The following NTNG2 variants were observed in gnomAD, a reference collection of about 807,000 sequenced individuals.
NTNG2 encodes netrin-G2.
NTNG2 carries 15 observed loss-of-function variants against 47.6 expected under a neutral mutation model. The ratio of observed to expected loss-of-function variants is 0.32; its 90% CI spans 0.21 to 0.49. The LOEUF (loss-of-function observed/expected upper bound fraction) is 0.49, where lower values mean the gene tolerates loss of function less well. Among genes scored for constraint, NTNG2 ranks in the 20% least tolerant of loss-of-function variants. NTNG2 has a pLI of 0.99. For missense variants in NTNG2, 578 were observed against 764.6 expected, an observed-to-expected ratio of 0.76 and a Z score of 2.88; for synonymous variants, 307 against 324.6, an observed-to-expected ratio of 0.95 and a Z score of 0.58.
chr9:132,181,243 C>G (rs1836911732), intron 2 of NTNG2, among the ~76,000 whole-genome samples: 1 of 151,810 alleles, frequency 6.6e-6, no homozygotes, highest in Non-Finnish European at 1.5e-5. Flanking sequence ...ACCACCATGC[C>G]TGGCTAATTT....
intron 2 of NTNG2, among the ~76,000 whole-genome samples, chr9:132,175,833 C>T (rs1466658696): frequency 6.6e-6 from 1 of 151,958 alleles, no homozygotes; most frequent in African/African-American, 2.4e-5. Flanking sequence ...GCTAGATTAA[C>T]CAGTTCATTC....
intron 3 of NTNG2, among the ~76,000 whole-genome samples, chr9:132,209,432 G>T (rs958963389): frequency 6.6e-6 from 1 of 152,242 alleles, no homozygotes; most frequent in Non-Finnish European, 1.5e-5. Context: ...CCGTGGGGGC[G>T]TGCGAGACTT....
In NTNG2 at chr9:132,163,156, T is replaced by C. The variant is rs1835210074; in HGVS notation, c.-484+917T>C. Reference sequence around the variant, plus strand: ...CCTTTATTACGGGCTTAATTATTAATTGCTGCCGTGGCTTGCACGCAACTT... The same window carrying C: ...CCTTTATTACGGGCTTAATTATTAACTGCTGCCGTGGCTTGCACGCAACTT... On this transcript the variant is annotated intron_variant, in intron 1 of 7. Coordinates refer to ENST00000393229, the MANE Select transcript of NTNG2 (RefSeq NM_032536.4). The surrounding 1 kb of genome is among the most constrained non-coding windows in gnomAD (Gnocchi z 7.2). Among the ~76,000 whole-genome samples the C allele has an allele frequency of 6.6e-6, 1 of 152,102 alleles. No homozygotes were observed. Among genetic ancestry groups the C allele is most frequent in the African/African-American group, 2.4e-5 (1 of 41,426 alleles).
At chr9:132,172,170 T>C (rs1316915621) in intron 2 of NTNG2, among the ~76,000 whole-genome samples, 4 of 152,178 alleles carry the variant, frequency 2.6e-5, no homozygotes, top group Non-Finnish European at 5.9e-5. Context: ...CCCTCCTTCC[T>C]TTCTTTTCAA....
intron 3 of NTNG2, among the ~76,000 whole-genome samples, chr9:132,220,011 G>A (rs781589888): frequency 9.2e-5 from 14 of 152,200 alleles, no homozygotes; most frequent in East Asian, 1.9e-4. Flanking sequence ...GTGATTATCC[G>A]TCTTTTTGAC....
At chr9:132,173,764 C>T (rs553961733) in intron 2 of NTNG2, among the ~76,000 whole-genome samples, 38 of 143,962 alleles carry the variant, frequency 2.6e-4, no homozygotes, top group African/African-American at 9.7e-4. Context: ...GACGGACGAA[C>T]GGAGAGGCAG....
Position 132,239,220 on chromosome 9 carries a change from G to A in NTNG2, c.1171G>A (p.Gly391Ser). Residue 391 changes from glycine (G) to serine (S), a missense_variant, in exon 6 of 8, where the codon GGC (glycine) becomes AGC (serine). Coordinates refer to ENST00000393229, the MANE Select transcript of NTNG2 (RefSeq NM_032536.4). Reference sequence around the variant, plus strand: ...TCAGCACTGCCAGCACTGCCGGCTGGGCTACTACCGCAACGGCTCGGCAGA... The same window carrying A: ...TCAGCACTGCCAGCACTGCCGGCTGAGCTACTACCGCAACGGCTCGGCAGA... ...RGQHCQHCRL[G>S]YYRNGSAELD... is the part of the protein sequence containing the mutation. The A allele has an allele frequency of 2.5e-6, 4 of 1,613,794 alleles. No individual in the cohort carries two copies. The highest frequency in any genetic ancestry group is 3.4e-6 in the Non-Finnish European group (4 of 1,180,036).
intron 2 of NTNG2, among the ~76,000 whole-genome samples, chr9:132,189,094 T>TTTTTTTTTTTTTTTTTTTTTTG: frequency 7.2e-6 from 1 of 139,424 alleles, no homozygotes; most frequent in Admixed American, 7.3e-5. Flanking sequence ...TTTTTTTTTT[T>TTTTTTTTTTTTTTTTTTTTTTG]TAGACAGGGT....
intron 2 of NTNG2, among the ~76,000 whole-genome samples, chr9:132,184,263 G>A (rs1837168639): frequency 6.6e-6 from 1 of 152,226 alleles, no homozygotes; most frequent in Non-Finnish European, 1.5e-5. Flanking sequence ...CTCAGGGGCA[G>A]GCCCCGTCCA....
At position 132,198,459 on chromosome 9, in the gene NTNG2, G is replaced by A. The variant is rs755237562; in HGVS notation, c.707G>A (p.Arg236Gln). The A allele has an allele frequency of 3.7e-6, 6 of 1,610,302 alleles. No homozygotes were observed. Among genetic ancestry groups the A allele is most frequent in the East Asian group, 4.5e-5 (2 of 44,854 alleles). Residue 236 changes from arginine to glutamine, a missense_variant, in exon 3 of 8, where the codon CGG becomes CAG. Physicochemically the swap from Arg to Gln is conservative, Grantham distance 43. Transcript: ENST00000393229. ...DLRNMDNLYT[R>Q]LESAKGLKEF... ...CGCAACATGGACAACCTCTACACGC[G>A]GCTGGAGAGCGCCAAGGGCCTCAAG...
intron 7 of NTNG2, 44 bp from the exon 8 acceptor site, chr9:132,241,832 G>A: frequency 7.1e-7 from 1 of 1,413,642 alleles, no homozygotes; most frequent in South Asian, 1.3e-5. Context: ...GGTTGGCGGG[G>A]GGACCGGGCC....
chr9:132,241,783 C>A, intron 7 of NTNG2, 93 bp from the exon 8 acceptor site: 1 of 938,970 alleles, frequency 1.1e-6, no homozygotes, highest in Non-Finnish European at 1.5e-6. Flanking sequence ...CAGACGGCGC[C>A]CCCGGGATCT....
At chr9:132,190,541 AG>A (rs1366648130) in intron 2 of NTNG2, among the ~76,000 whole-genome samples, 1 of 152,158 alleles carries the variant, frequency 6.6e-6, no homozygotes, top group Non-Finnish European at 1.5e-5. Context: ...CTCCTTAGTC[AG>A]GGGCCTGGAA....
intron 2 of NTNG2, among the ~76,000 whole-genome samples, chr9:132,192,123 C>T (rs1032700050): frequency 6.6e-6 from 1 of 152,124 alleles, no homozygotes; most frequent in Non-Finnish European, 1.5e-5. Flanking sequence ...GGTGGAAACG[C>T]GCAGACCCAG....
intron 2 of NTNG2, among the ~76,000 whole-genome samples, chr9:132,170,527 C>T (rs1261001392): frequency 1.3e-5 from 2 of 152,220 alleles, no homozygotes; most frequent in Non-Finnish European, 2.9e-5. Context: ...GCAACTGCTG[C>T]TTGCAGGACC....
At chr9:132,186,368 G>A (rs549720214) in intron 2 of NTNG2, among the ~76,000 whole-genome samples, 19 of 152,310 alleles carry the variant, frequency 1.2e-4, no homozygotes, top group Admixed American at 3.3e-4. Flanking sequence ...TATGCCCAGG[G>A]CAAAGCAGAA....
intron 7 of NTNG2, 47 bp from the exon 8 acceptor site, chr9:132,241,828 CG>C (rs2131063003): frequency 4.3e-6 from 6 of 1,380,272 alleles, no homozygotes; most frequent in African/African-American, 1.5e-5. Flanking sequence ...CGGAGGTTGG[CG>C]GGGGGACCGG....
intron 2 of NTNG2, among the ~76,000 whole-genome samples, chr9:132,190,517 C>T (rs995290254): frequency 3.9e-5 from 6 of 152,104 alleles, no homozygotes; most frequent in African/African-American, 1.2e-4. Flanking sequence ...TTCCAGTGAC[C>T]GCCCCTCCAC....
chr9:132,192,463 C>T (rs753005241), intron 2 of NTNG2, among the ~76,000 whole-genome samples: 1 of 152,122 alleles, frequency 6.6e-6, no homozygotes, highest in Non-Finnish European at 1.5e-5. Flanking sequence ...TGGTGGCGCA[C>T]GCCTGTAGTC....
Sources: allele counts gnomAD v4.1 joint callset (sites outside exome capture counted in the v4.1 genomes callset), GRCh38; gene constraint gnomAD v4.1.1; non-coding constraint Gnocchi (gnomAD v3.1); transcripts MANE v1.5; gene names NCBI Gene and HGNC (gene_info 2026-07-23, HGNC 2026-07-21).